Variants in SLC12A1 observed in about 807,000 individuals in gnomAD.
SLC12A1 encodes solute carrier family 12 member 1.
SLC12A1 carries 89 observed loss-of-function variants against 130.4 expected under a neutral mutation model. That is an observed-to-expected ratio of 0.68 (90% confidence interval 0.58 to 0.81). The LOEUF is 0.81. SLC12A1 is among the 40% of genes least tolerant of loss of function. SLC12A1 has a pLI of 0.00. For synonymous variants in SLC12A1, 499 were observed against 460.0 expected (o/e 1.08, Z -1.09); for missense variants, 1,310 against 1,336.4 (o/e 0.98, Z 0.31).
At chr15:48,279,000 C>A (rs917151902) in intron 20 of SLC12A1, among the ~76,000 whole-genome samples, 3 of 152,194 alleles carry the variant, frequency 2.0e-5, no homozygotes, top group African/African-American at 7.2e-5. Context: ...TGAAATATTT[C>A]TGCTTCTTAG....
chr15:48,281,691 A>C (rs987382318), intron 20 of SLC12A1, among the ~76,000 whole-genome samples: 2 of 152,226 alleles, frequency 1.3e-5, no homozygotes, highest in African/African-American at 2.4e-5. Flanking sequence ...CTCTGCATGC[A>C]TCCCAGTATT....
At chr15:48,217,344 A>G (rs999883575) in intron 2 of SLC12A1, among the ~76,000 whole-genome samples, 15 of 152,132 alleles carry the variant, frequency 9.9e-5, no homozygotes, top group African/African-American at 2.9e-4. Flanking sequence ...TGAATTACAT[A>G]CTTGGTTTGC....
chr15:48,287,170 C>A (rs989944263), intron 21 of SLC12A1, among the ~76,000 whole-genome samples: 1 of 152,134 alleles, frequency 6.6e-6, no homozygotes, highest in South Asian at 2.1e-4. Flanking sequence ...AGAAATGCTA[C>A]GTACGCTGTG....
At chr15:48,277,334 A>G (rs1194620360) in intron 20 of SLC12A1, among the ~76,000 whole-genome samples, 1 of 152,150 alleles carries the variant, frequency 6.6e-6, no homozygotes, top group African/African-American at 2.4e-5. Flanking sequence ...TAAAAATTAA[A>G]AAAAAACCAC....
At chr15:48,267,497 G>A (rs1273633470) in intron 17 of SLC12A1, 64 bp from the exon 18 acceptor site, 1 of 1,574,770 alleles carries the variant, frequency 6.4e-7, no homozygotes, top group African/African-American at 1.4e-5. Context: ...TTGTCCTTTA[G>A]AAAACAACAG....
At chr15:48,247,226 C>T in intron 12 of SLC12A1, 111 bp from the exon 13 acceptor site, 1 of 1,140,732 alleles carries the variant, frequency 8.8e-7, no homozygotes, top group South Asian at 1.5e-5. Context: ...TAACTTGTGC[C>T]TCATCTTGTG....
At chr15:48,274,094 T>C (rs2041926158) in intron 19 of SLC12A1, among the ~76,000 whole-genome samples, 1 of 152,198 alleles carries the variant, frequency 6.6e-6, no homozygotes, top group African/African-American at 2.4e-5. Context: ...GAGTCAATTC[T>C]GAAAATTCTA....
At chr15:48,210,289 C>T (rs1597393988) in intron 2 of SLC12A1, among the ~76,000 whole-genome samples, 1 of 152,172 alleles carries the variant, frequency 6.6e-6, no homozygotes, top group African/African-American at 2.4e-5. Flanking sequence ...TCCCACAATA[C>T]TCTACCACGT....
At chr15:48,229,477 G>A in intron 6 of SLC12A1, 149 bp downstream of exon 6, 1 of 754,718 alleles carries the variant, frequency 1.3e-6, no homozygotes, top group Non-Finnish European at 2.1e-6. Flanking sequence ...CAGAAGATCT[G>A]GCTTTGAGTC....
chr15:48,260,155 C>T (rs2141077047), intron 17 of SLC12A1, among the ~76,000 whole-genome samples: 1 of 152,072 alleles, frequency 6.6e-6, no homozygotes, highest in South Asian at 2.1e-4. Flanking sequence ...ATCCCAGCTA[C>T]TCAGGAGGCT....
chr15:48,227,001 T>C (rs558972751), intron 5 of SLC12A1: 5 of 901,530 alleles, frequency 5.5e-6, no homozygotes, highest in East Asian at 2.6e-5. Flanking sequence ...TGTGACAAGA[T>C]TCAGACTGCT....
chr15:48,250,646 A>G (rs1486565212), intron 14 of SLC12A1, among the ~76,000 whole-genome samples: 1 of 142,880 alleles, frequency 7.0e-6, no homozygotes, highest in Non-Finnish European at 1.5e-5. Context: ...AGGAAGACAC[A>G]TGGATACACA....
At chr15:48,283,539 T>C (rs185552880) in intron 20 of SLC12A1, among the ~76,000 whole-genome samples, 16 of 152,356 alleles carry the variant, frequency 1.1e-4, no homozygotes, top group African/African-American at 3.8e-4. Context: ...TTAAATCTCA[T>C]GCCACTCGCA....
intron 25 of SLC12A1, among the ~76,000 whole-genome samples, chr15:48,300,003 T>C (rs1372920553): frequency 6.6e-6 from 1 of 152,182 alleles, no homozygotes; most frequent in East Asian, 1.9e-4. Flanking sequence ...CTCATTGTAC[T>C]TTAAGTATAA....
At chr15:48,285,345 G>A in intron 21 of SLC12A1, 96 bp downstream of exon 21, 2 of 1,201,862 alleles carry the variant, frequency 1.7e-6, no homozygotes, top group Non-Finnish European at 2.4e-6. Context: ...GATGTTGGGA[G>A]CATTGAGTGT....
At chr15:48,280,735 A>G (rs1483297598) in intron 20 of SLC12A1, among the ~76,000 whole-genome samples, 1 of 151,840 alleles carries the variant, frequency 6.6e-6, no homozygotes, top group African/African-American at 2.4e-5. Context: ...CCAGGCTCTT[A>G]TCTCACTGGT....
Position 48,258,136 on chromosome 15 carries a change from C to T in SLC12A1, c.2043-1064C>T, listed in dbSNP as rs1288327275. On this transcript the variant is annotated intron_variant, in intron 16 of 26. Transcript: ENST00000380993. ...CAGCACTTTGGGAGGCCGAGGCGGG[C>T]GGATCACGAGGTCAGGAGATCGAGA... is the stretch of plus-strand genomic sequence containing the variant. 9.9e-5 allele frequency among the ~76,000 whole-genome samples: 7 copies of T among 70,638 alleles called. 2 individuals carry two copies. The African/African-American group carries it at 1.0e-3, about 11-fold the overall frequency. 46.3% of individuals were successfully genotyped at this position (70,638 alleles called of 152,430 possible).
In SLC12A1 at chr15:48,222,118, A is replaced by G. The variant is rs141204075; in HGVS notation, c.628+1122A>G. Among the ~76,000 whole-genome samples the G allele has an allele frequency of 7.2e-5, 11 of 152,324 alleles. No individual in the cohort carries two copies. In the East Asian group the frequency reaches 1.9e-3, roughly 27 times the overall value. On this transcript the variant is annotated intron_variant, in intron 4 of 26. Transcript: ENST00000380993. Reference sequence around the variant, plus strand: ...ATGAATGCTCACAGCCGCAGGGTCCAAAATAAGTATATGCCGTTCCATGGA... The same window carrying G: ...ATGAATGCTCACAGCCGCAGGGTCCGAAATAAGTATATGCCGTTCCATGGA...
At chr15:48,213,591 C>T (rs1171130614) in intron 2 of SLC12A1, among the ~76,000 whole-genome samples, 1 of 151,224 alleles carries the variant, frequency 6.6e-6, no homozygotes, top group East Asian at 2.0e-4. Context: ...GCAAGCTCTG[C>T]CTCCCGGGTT....
Sources: allele counts gnomAD v4.1 joint callset (sites outside exome capture counted in the v4.1 genomes callset), GRCh38; gene constraint gnomAD v4.1.1; transcripts MANE v1.5; gene names NCBI Gene and HGNC (gene_info 2026-07-23, HGNC 2026-07-21).